The following PCDH7 variants were observed in gnomAD, a reference collection of about 807,000 sequenced individuals.
The protein encoded by PCDH7 is protocadherin-7.
A neutral mutation model predicts 58.9 loss-of-function variants in PCDH7; 17 were observed. The ratio of observed to expected loss-of-function variants is 0.29; its 90% CI spans 0.20 to 0.43. The LOEUF (loss-of-function observed/expected upper bound fraction) is 0.43, where lower values mean the gene tolerates loss of function less well. PCDH7 is among the 20% of genes least tolerant of loss of function. The pLI is 1.00. For synonymous variants in PCDH7, 664 were observed against 616.4 expected (o/e 1.08, Z -1.14); for missense variants, 1,274 against 1,441.0 (o/e 0.88, Z 1.88).
At chr4:30,949,935 T>G (rs1277701646) in intron 2 of PCDH7, among the ~76,000 whole-genome samples, 2 of 152,178 alleles carry the variant, frequency 1.3e-5, no homozygotes, top group East Asian at 3.9e-4. Flanking sequence ...CTGTTCAAAT[T>G]AACACATTTC....
intron 1 of PCDH7, among the ~76,000 whole-genome samples, chr4:30,813,030 C>G (rs1174835453): frequency 6.6e-6 from 1 of 152,154 alleles, no homozygotes; most frequent in Non-Finnish European, 1.5e-5. Context: ...GTGTCTAGCT[C>G]TATCCTGACT....
chr4:30,927,618 C>T (rs1026798021), intron 2 of PCDH7, among the ~76,000 whole-genome samples: 1 of 151,954 alleles, frequency 6.6e-6, no homozygotes, highest in Admixed American at 6.6e-5. Flanking sequence ...GGATTAAGGG[C>T]GGTGCAAGAT....
At chr4:30,788,380 T>C (rs1723685405) in intron 1 of PCDH7, among the ~76,000 whole-genome samples, 3 of 152,114 alleles carry the variant, frequency 2.0e-5, no homozygotes, top group Admixed American at 6.5e-5. Context: ...ATTGACTTTA[T>C]AGTTAAAATT....
At chr4:31,079,456 G>A (rs894304537) in intron 3 of PCDH7, among the ~76,000 whole-genome samples, 2 of 149,430 alleles carry the variant, frequency 1.3e-5, no homozygotes, top group Non-Finnish European at 3.0e-5. Context: ...GATATCTCTA[G>A]TAACCAAGAA....
intron 3 of PCDH7, among the ~76,000 whole-genome samples, chr4:31,029,029 A>G (rs1322692857): frequency 6.6e-6 from 1 of 152,234 alleles, no homozygotes; most frequent in Non-Finnish European, 1.5e-5. Context: ...GAAATTTCAG[A>G]AACAATTACA....
intron 3 of PCDH7, among the ~76,000 whole-genome samples, chr4:31,023,054 CG>C (rs759906732): frequency 1.3e-5 from 2 of 152,058 alleles, no homozygotes; most frequent in Non-Finnish European, 2.9e-5. Context: ...AGAGCGAAAC[CG>C]GCAAATGTTT....
intron 1 of PCDH7, among the ~76,000 whole-genome samples, chr4:30,821,073 C>T (rs1728314035): frequency 6.6e-6 from 1 of 152,116 alleles, no homozygotes; most frequent in South Asian, 2.1e-4. Flanking sequence ...TATGAATTGT[C>T]ACAATGACTG....
At chr4:30,942,032 C>T (rs1746100136) in intron 2 of PCDH7, among the ~76,000 whole-genome samples, 1 of 151,616 alleles carries the variant, frequency 6.6e-6, no homozygotes, top group Admixed American at 6.6e-5. Context: ...ATTTAATATC[C>T]TACCTTACTA....
chr4:30,793,340 G>T (rs1202226232), intron 1 of PCDH7, among the ~76,000 whole-genome samples: 1 of 152,086 alleles, frequency 6.6e-6, no homozygotes, highest in Non-Finnish European at 1.5e-5. Context: ...TTAACATTTG[G>T]ATTAAAGAGC....
intron 3 of PCDH7, among the ~76,000 whole-genome samples, chr4:31,094,151 A>G (rs1560218191): frequency 1.3e-5 from 2 of 152,288 alleles, no homozygotes; most frequent in South Asian, 2.1e-4. Context: ...CCATTTGTAA[A>G]TTACCATTAC....
At position 30,720,436 on chromosome 4, in the gene PCDH7, C is replaced by G. The variant is rs370673520; in HGVS notation, c.-987C>G. 1.3e-5 allele frequency: 2 copies of G among 152,866 alleles called. No individual in the cohort carries two copies. The highest frequency in any genetic ancestry group is 1.3e-4 in the Admixed American group (2 of 15,310). The allele number at this position is 152,866 out of a possible 1,614,324, so 9.5% of individuals were successfully genotyped here. On this transcript the variant is annotated 5_prime_UTR_variant, in exon 1 of 2. Coordinates refer to ENST00000361762, the Ensembl canonical transcript of PCDH7. The surrounding 1 kb of genome is among the most constrained non-coding windows in gnomAD (Gnocchi z 4.7). ...GGCCGAATGCAGGTGAGAAAAGGCA[C>G]GGACTCTGCGGCTGCGAACCCAAAC... is the stretch of plus-strand genomic sequence containing the variant.
At chr4:30,890,811 G>T (rs4692106) in intron 1 of PCDH7, among the ~76,000 whole-genome samples, 27 of 151,808 alleles carry the variant, frequency 1.8e-4, no homozygotes, top group African/African-American at 6.5e-4. Flanking sequence ...TTTACCTAGC[G>T]TAGTAAATTA....
intron 1 of PCDH7, among the ~76,000 whole-genome samples, chr4:30,804,937 G>A (rs75225758): frequency 0.025 from 3,817 of 152,258 alleles, 177 homozygotes; most frequent in African/African-American, 0.086. Flanking sequence ...ATTGAGTCCT[G>A]TGGGGCTCGT....
intron 3 of PCDH7, among the ~76,000 whole-genome samples, chr4:31,073,326 C>T (rs1363899327): frequency 6.6e-6 from 1 of 152,122 alleles, no homozygotes; most frequent in Non-Finnish European, 1.5e-5. Context: ...GCTGTATACT[C>T]AACCCACTGA....
chr4:31,006,213 C>A (rs1437079728), intron 3 of PCDH7, among the ~76,000 whole-genome samples: 4 of 152,082 alleles, frequency 2.6e-5, no homozygotes, highest in Non-Finnish European at 5.9e-5. Context: ...GATAGTAGGA[C>A]CCTATAATGT....
At chr4:30,994,605 C>T (rs1038815086) in intron 3 of PCDH7, among the ~76,000 whole-genome samples, 2 of 152,100 alleles carry the variant, frequency 1.3e-5, no homozygotes, top group Non-Finnish European at 2.9e-5. Context: ...CAAACTTCTA[C>T]TTAGTCATTT....
chr4:31,016,508 C>T (rs1404522901), intron 3 of PCDH7, among the ~76,000 whole-genome samples: 2 of 151,678 alleles, frequency 1.3e-5, no homozygotes, highest in Non-Finnish European at 2.9e-5. Context: ...TGAGCAACTC[C>T]AGGGGGCACC....
intron 3 of PCDH7, among the ~76,000 whole-genome samples, chr4:31,058,553 T>C (rs1363164291): frequency 6.6e-6 from 1 of 152,142 alleles, no homozygotes; most frequent in Non-Finnish European, 1.5e-5. Context: ...GTTCCAAAGA[T>C]GGTTTTCTAA....
chr4:31,034,608 A>AT (rs1755229682), intron 3 of PCDH7, among the ~76,000 whole-genome samples: 1 of 152,182 alleles, frequency 6.6e-6, no homozygotes, highest in Non-Finnish European at 1.5e-5. Context: ...TCTAAGTCTC[A>AT]TTTTACCTAC....
Sources: gnomAD v4.1 joint callset for allele counts (sites outside exome capture counted in the v4.1 genomes callset) on GRCh38, gnomAD v4.1.1 for gene constraint, Gnocchi (gnomAD v3.1) non-coding constraint, MANE v1.5 for transcripts, NCBI Gene and HGNC (gene_info 2026-07-23, HGNC 2026-07-21) for gene names.